Variants in STRN observed in about 807,000 individuals in gnomAD.
The protein encoded by STRN is striatin.
In STRN, 53 loss-of-function variants were observed where a neutral mutation model predicts 96.3. The ratio of observed to expected loss-of-function variants is 0.55; its 90% CI spans 0.44 to 0.69. STRN has a LOEUF of 0.69. STRN is among the 30% of genes least tolerant of loss of function. The pLI is 0.00. For synonymous variants in STRN, 428 were observed against 355.9 expected (o/e 1.20, Z -2.28); for missense variants, 987 against 963.9 (o/e 1.02, Z -0.32).
intron 1 of STRN, among the ~76,000 whole-genome samples, chr2:36,941,016 G>A (rs574690759): frequency 6.6e-6 from 1 of 152,058 alleles, no homozygotes; most frequent in African/African-American, 2.4e-5. Flanking sequence ...AGCTGAACAT[G>A]GTGGCACATG....
At chr2:36,920,953 T>C (rs866025282) in intron 2 of STRN, among the ~76,000 whole-genome samples, 14 of 151,882 alleles carry the variant, frequency 9.2e-5, no homozygotes, top group African/African-American at 3.1e-4. Context: ...TAAACGCCTG[T>C]AGTCCCAGCT....
chr2:36,902,731 T>A lies in STRN; in HGVS notation c.512A>T (p.Tyr171Phe). 2 of 1,609,422 alleles carry A rather than the reference T, an allele frequency of 1.2e-6. No homozygotes were observed. Among genetic ancestry groups the A allele is most frequent in the East Asian group, 2.2e-5 (1 of 44,688 alleles). ...TTTCACATCTAGAATAGTATCTGTA[T>A]AACCCACCTCCTGTAGATACCTGTG... ...LLRQYLQEVG[Y>F]TDTILDVKSK... Residue 171 changes from tyrosine (Y) to phenylalanine (F), a missense_variant, in exon 5 of 18, where the codon TAT becomes TTT. Physicochemically the swap from Tyr to Phe is conservative, Grantham distance 22 (BLOSUM62 3). Transcript: ENST00000263918.
chr2:36,878,584 C>CT (rs1453603321), intron 9 of STRN, among the ~76,000 whole-genome samples: 1 of 152,140 alleles, frequency 6.6e-6, no homozygotes, highest in Non-Finnish European at 1.5e-5. Flanking sequence ...AACAACAGGA[C>CT]TTCCAGGGCC....
chr2:36,911,437 C>T (rs533843658), intron 3 of STRN, among the ~76,000 whole-genome samples: 1 of 152,292 alleles, frequency 6.6e-6, no homozygotes, highest in South Asian at 2.1e-4. Context: ...ACACTACTGC[C>T]TGCATGTCAA....
At chr2:36,954,731 G>C (rs1481690325) in intron 1 of STRN, among the ~76,000 whole-genome samples, 1 of 151,548 alleles carries the variant, frequency 6.6e-6, no homozygotes, top group Non-Finnish European at 1.5e-5. Context: ...CTGCCTCCTG[G>C]GTTCAAGCGA....
intron 15 of STRN, 140 bp downstream of exon 15, chr2:36,855,072 C>A: frequency 2.3e-6 from 2 of 860,420 alleles, no homozygotes; most frequent in Non-Finnish European, 3.4e-6. Flanking sequence ...ATAATTACAA[C>A]CTTCTAAGTA....
In STRN at chr2:36,913,493, A is replaced by T. The variant is rs571587937; in HGVS notation, c.412+2585T>A. 7.2e-5 allele frequency among the ~76,000 whole-genome samples: 11 copies of T among 152,298 alleles called. No individual in the cohort carries two copies. In the South Asian group the frequency reaches 2.3e-3, roughly 32 times the overall value. On this transcript the variant is annotated intron_variant, in intron 3 of 17. Coordinates refer to ENST00000263918, the MANE Select transcript of STRN (RefSeq NM_003162.4). The stretch of plus-strand genomic sequence containing the variant: ...CTTGTCCTTCAGATGTCAAAATTAA[A>T]CATCACTTCCTCCAAGAAGCCTTTC...
At chr2:36,937,259 G>A (rs997384749) in intron 1 of STRN, among the ~76,000 whole-genome samples, 37 of 150,876 alleles carry the variant, frequency 2.5e-4, no homozygotes, top group Non-Finnish European at 4.6e-4. Flanking sequence ...CAGGAGAATC[G>A]CATGAACCGG....
intron 9 of STRN, 103 bp from the exon 10 acceptor site, chr2:36,878,130 AT>A: frequency 1.6e-6 from 2 of 1,263,752 alleles, no homozygotes; most frequent in Non-Finnish European, 2.2e-6. Context: ...TATATACTTA[AT>A]TGTTTTTAAA....
At chr2:36,922,294 G>A (rs554896292) in intron 2 of STRN, among the ~76,000 whole-genome samples, 41 of 152,120 alleles carry the variant, frequency 2.7e-4, no homozygotes, top group Admixed American at 9.2e-4. Flanking sequence ...TACAGCAGGA[G>A]GACTGCTTGA....
At chr2:36,929,304 C>T (rs1463356860) in intron 1 of STRN, among the ~76,000 whole-genome samples, 2 of 152,082 alleles carry the variant, frequency 1.3e-5, no homozygotes, top group Non-Finnish European at 2.9e-5. Flanking sequence ...CTTCTATAAA[C>T]AGGTTTATCT....
intron 3 of STRN, 144 bp downstream of exon 3, chr2:36,915,934 T>G (rs1670085821): frequency 1.5e-6 from 1 of 685,994 alleles, no homozygotes; most frequent in African/African-American, 1.8e-5. Flanking sequence ...TAAATGACAC[T>G]AAATGGTGCC....
intron 10 of STRN, among the ~76,000 whole-genome samples, chr2:36,877,378 T>C (rs572322587): frequency 2.7e-4 from 41 of 152,344 alleles, no homozygotes; most frequent in East Asian, 2.3e-3. Flanking sequence ...TACTCAATTA[T>C]GGATTTAGGT....
intron 8 of STRN, among the ~76,000 whole-genome samples, chr2:36,885,635 C>T (rs961005690): frequency 4.6e-5 from 7 of 152,128 alleles, no homozygotes; most frequent in East Asian, 1.9e-4. Flanking sequence ...TCAAGCTAAA[C>T]GCTTGTAATT....
rs146933118 is a variant in STRN at position 36,881,332 on chromosome 2, T to G, written c.1186+2600A>C. On this transcript the variant is annotated intron_variant, in intron 9 of 17. Transcript: ENST00000263918. ...TATTTGAGACAGGGTTTTGCCATGT[T>G]GGCCAGGCTGGTCTTGAATTTCTGG... Among the ~76,000 whole-genome samples the G allele has an allele frequency of 3.7e-3, 564 of 152,274 alleles. 2 individuals are homozygous for G. Among genetic ancestry groups the G allele is most frequent in the African/African-American group, 0.013 (545 of 41,546 alleles).
chr2:36,908,958 G>T (rs981099420), intron 3 of STRN, among the ~76,000 whole-genome samples: 1 of 150,958 alleles, frequency 6.6e-6, no homozygotes, highest in Non-Finnish European at 1.5e-5. Context: ...TCCAGCCTGG[G>T]CGACAGAGCA....
chr2:36,858,743 C>G (rs1441540304), intron 13 of STRN, among the ~76,000 whole-genome samples: 1 of 152,210 alleles, frequency 6.6e-6, no homozygotes, highest in Admixed American at 6.5e-5. Context: ...GTCTTATATC[C>G]TCTGTCACAC....
At chr2:36,890,000 G>C (rs1669345482) in intron 7 of STRN, among the ~76,000 whole-genome samples, 1 of 152,228 alleles carries the variant, frequency 6.6e-6, no homozygotes, top group South Asian at 2.1e-4. Flanking sequence ...ACAAGGAACA[G>C]TGCAGCTGTC....
chr2:36,962,946 T>G (rs1665064826), intron 1 of STRN, among the ~76,000 whole-genome samples: 1 of 152,208 alleles, frequency 6.6e-6, no homozygotes, highest in Non-Finnish European at 1.5e-5. Flanking sequence ...ATACAGAAAT[T>G]TTTCTCAAAT....
Sources: allele counts gnomAD v4.1 joint callset (sites outside exome capture counted in the v4.1 genomes callset), GRCh38; gene constraint gnomAD v4.1.1; transcripts MANE v1.5; gene names NCBI Gene and HGNC (gene_info 2026-07-23, HGNC 2026-07-21).